Variants in TLE1 observed in about 807,000 individuals in gnomAD.
TLE1 encodes the protein TLE family member 1, transcriptional corepressor.
Under a neutral mutation model 89.8 loss-of-function variants are expected in TLE1, and 21 were observed. That is an observed-to-expected ratio of 0.23 (90% CI 0.17 to 0.34). TLE1 has a LOEUF of 0.34. Among genes scored for constraint, TLE1 ranks in the 10% least tolerant of loss-of-function variants. The pLI is 1.00. For missense variants in TLE1, 795 were observed against 1,031.2 expected (o/e 0.77, Z 3.14); for synonymous variants, 447 against 407.6 (o/e 1.10, Z -1.16).
At chr9:81,602,265 G>C (rs117139705) in intron 14 of TLE1, among the ~76,000 whole-genome samples, 87 of 152,296 alleles carry the variant, frequency 5.7e-4, no homozygotes, top group Admixed American at 1.2e-3. Context: ...GGAAAAGCAG[G>C]CTGGGGGGAT....
At chr9:81,652,656 A>G (rs1427118365) in intron 5 of TLE1, among the ~76,000 whole-genome samples, 1 of 152,192 alleles carries the variant, frequency 6.6e-6, no homozygotes, top group Non-Finnish European at 1.5e-5. Context: ...ATTTTAAAAT[A>G]TGCATTTTAC....
At chr9:81,658,874 G>C (rs986349062) in intron 4 of TLE1, among the ~76,000 whole-genome samples, 1 of 151,942 alleles carries the variant, frequency 6.6e-6, no homozygotes, top group Non-Finnish European at 1.5e-5. Flanking sequence ...AACAAGTCTC[G>C]TAGTGACTTT....
rs985271828 is a variant in TLE1, at chr9:81,613,505, G to A, written c.935C>T (p.Thr312Met). The change falls in exon 12 of 20, where the codon ACG becomes ATG. Residue 312 changes from threonine to methionine, a missense_variant. Thr to Met is a moderately conservative substitution (Grantham distance 81). This residue lies in a region of TLE1 where 468 missense variants were observed against 509.1 expected (regional missense o/e 0.92). Transcript: ENST00000376499. The stretch of plus-strand genomic sequence containing the variant: ...TGGTGTGCTGGATTTCAGAACAGGC[G>A]TGCTGGCTTTTTCATGCTGGTGTCA... ...KEMSLHEKAS[T>M]PVLKSSTPTP... The A allele has an allele frequency of 1.3e-5, 21 of 1,614,032 alleles. No homozygotes were observed. The highest frequency in any genetic ancestry group is 1.6e-4 in the Middle Eastern group (1 of 6,074).
At chr9:81,614,074 A>AT (rs1401907137) in intron 11 of TLE1, among the ~76,000 whole-genome samples, 1 of 151,634 alleles carries the variant, frequency 6.6e-6, no homozygotes, top group Non-Finnish European at 1.5e-5. Context: ...TGCCCAGCTA[A>AT]TTTTTTTGTA....
At chr9:81,620,784 T>G in intron 8 of TLE1, 1 of 1,368,142 alleles carries the variant, frequency 7.3e-7, no homozygotes, top group Non-Finnish European at 9.5e-7. Context: ...AGGTGGATTC[T>G]TCAGGCCTCC....
intron 8 of TLE1, among the ~76,000 whole-genome samples, chr9:81,621,538 T>C (rs1825254905): frequency 6.6e-6 from 1 of 152,202 alleles, no homozygotes. Flanking sequence ...AAGAGGACAG[T>C]GTCCAGGGCC....
At chr9:81,667,684 G>A (rs963536697) in intron 4 of TLE1, among the ~76,000 whole-genome samples, 3 of 151,334 alleles carry the variant, frequency 2.0e-5, no homozygotes, top group Non-Finnish European at 2.9e-5. Context: ...AAACTTCAGC[G>A]GGGAAGTCCC....
intron 4 of TLE1, among the ~76,000 whole-genome samples, chr9:81,677,886 G>A (rs934865212): frequency 1.3e-5 from 2 of 152,150 alleles, no homozygotes; most frequent in African/African-American, 4.8e-5. Context: ...ATCCCTTCCA[G>A]CGTACAGTGG....
At chr9:81,612,083 G>C in intron 12 of TLE1, 124 bp from the exon 13 acceptor site, 1 of 779,630 alleles carries the variant, frequency 1.3e-6, no homozygotes, top group East Asian at 3.4e-5. Flanking sequence ...AGGCTTCTAG[G>C]GGAGGGGGAA....
At chr9:81,655,465 A>G (rs1164271449) in intron 4 of TLE1, among the ~76,000 whole-genome samples, 3 of 152,118 alleles carry the variant, frequency 2.0e-5, no homozygotes, top group Non-Finnish European at 4.4e-5. Flanking sequence ...GAGGGAACAG[A>G]GGGTACTCTA....
chr9:81,602,176 C>T (rs1046399427), intron 14 of TLE1, among the ~76,000 whole-genome samples: 5 of 152,074 alleles, frequency 3.3e-5, no homozygotes, highest in Admixed American at 6.5e-5. Context: ...CTCCAGGGAG[C>T]AGGGGCTGGA....
chr9:81,610,459 T>C (rs1253786569), intron 13 of TLE1, among the ~76,000 whole-genome samples, 163 bp from the exon 14 acceptor site: 2 of 152,196 alleles, frequency 1.3e-5, no homozygotes, highest in East Asian at 3.9e-4. Context: ...AGAGGTAATA[T>C]AAGCACCCCT....
chr9:81,657,847 G>T (rs970539072), intron 4 of TLE1, among the ~76,000 whole-genome samples: 1 of 146,896 alleles, frequency 6.8e-6, no homozygotes. Context: ...AATGGTTGTT[G>T]TATTATTTAG....
At chr9:81,640,565 G>A (rs1487523562) in intron 6 of TLE1, among the ~76,000 whole-genome samples, 1 of 152,156 alleles carries the variant, frequency 6.6e-6, no homozygotes, top group Non-Finnish European at 1.5e-5. Flanking sequence ...AATAGGCTGA[G>A]AGTGAGACAA....
At chr9:81,652,147 AT>A in intron 6 of TLE1, 66 bp downstream of exon 6, 2 of 1,448,582 alleles carry the variant, frequency 1.4e-6, no homozygotes, top group Non-Finnish European at 1.9e-6. Flanking sequence ...ACGTAAAGCC[AT>A]CAAATTAATA....
intron 7 of TLE1, 129 bp downstream of exon 7, chr9:81,633,968 G>T (rs929836550): frequency 4.7e-6 from 5 of 1,072,798 alleles, no homozygotes; most frequent in Non-Finnish European, 6.4e-6. Context: ...GGAAAGCTTT[G>T]CGACAGTTCC....
At chr9:81,688,110 G>A (rs900006313) in intron 1 of TLE1, 107 bp downstream of exon 1, 26 of 1,434,804 alleles carry the variant, frequency 1.8e-5, no homozygotes, top group Middle Eastern at 1.8e-4. Flanking sequence ...ACACCGCTGA[G>A]GGCGAGAAGG....
rs1564094683 is a variant in TLE1 at position 81,688,271 on chromosome 9, C to G, written c.-31G>C. The G allele has an allele frequency of 1.9e-6, 3 of 1,554,168 alleles. No homozygotes were observed. Among genetic ancestry groups the G allele is most frequent in the Non-Finnish European group, 1.7e-6 (2 of 1,155,184 alleles). On this transcript the variant is annotated 5_prime_UTR_variant, in exon 1 of 20. Coordinates refer to ENST00000376499, the MANE Select transcript of TLE1 (RefSeq NM_005077.5). ...TGGCGGCGGCCGGGGCTCTGTTCCC[C>G]GGCAACTCAATTCTCCGGTCAATTT...
At chr9:81,587,509 G>T (rs1193990551) in intron 17 of TLE1, among the ~76,000 whole-genome samples, 172 bp downstream of exon 17, 1 of 152,178 alleles carries the variant, frequency 6.6e-6, no homozygotes, top group Non-Finnish European at 1.5e-5. Context: ...TAGGGGGAGG[G>T]TCGTGAAGGA....
Sources: gnomAD v4.1 joint callset for allele counts (sites outside exome capture counted in the v4.1 genomes callset) on GRCh38, gnomAD v4.1.1 for gene constraint, gnomAD v4.1.1 regional missense constraint, MANE v1.5 for transcripts, NCBI Gene and HGNC (gene_info 2026-07-23, HGNC 2026-07-21) for gene names.